TAFA2: variants seen among roughly 807,000 people sequenced by gnomAD.
The protein encoded by TAFA2 is chemokine-like protein TAFA-2.
A neutral mutation model predicts 18.8 loss-of-function variants in TAFA2; 7 were observed. The ratio of observed to expected loss-of-function variants is 0.37; its 90% confidence interval spans 0.21 to 0.70. The LOEUF (loss-of-function observed/expected upper bound fraction) is 0.70, where lower values mean the gene tolerates loss of function less well. Ranked by LOEUF, TAFA2 falls within the 30% of genes least tolerant of loss-of-function variation. The pLI is 0.53. For missense variants in TAFA2, 122 were observed against 158.1 expected (o/e 0.77, Z 1.23); for synonymous variants, 60 against 54.2 (o/e 1.11, Z -0.47).
chr12:62,161,580 G>A (rs1434671572), intron 1 of TAFA2, among the ~76,000 whole-genome samples: 1 of 152,164 alleles, frequency 6.6e-6, no homozygotes, highest in African/African-American at 2.4e-5. Context: ...GATGCTGAGA[G>A]ATGACTTAAT....
chr12:61,861,021 T>C (rs1354614835), intron 2 of TAFA2, among the ~76,000 whole-genome samples: 2 of 151,886 alleles, frequency 1.3e-5, no homozygotes, highest in South Asian at 2.1e-4. Context: ...TACAATCTTG[T>C]CTCACTGCAA....
In TAFA2 at chr12:61,969,606, AT is replaced by A. The variant is rs1879177448; in HGVS notation, c.-1-102181del. On this transcript the variant is annotated intron_variant, in intron 1 of 4. Coordinates refer to ENST00000416284, the MANE Select transcript of TAFA2 (RefSeq NM_178539.5). The stretch of plus-strand genomic sequence containing the variant: ...AGACCTAATAGTACTAAGTAAAAAA[AT>A]AAATGACAACATATATCTGATCTCC... 3.3e-5 allele frequency among the ~76,000 whole-genome samples: 5 copies of A among 151,906 alleles called. No individual in the cohort carries two copies. In the South Asian group the frequency reaches 8.3e-4, roughly 25 times the overall value.
chr12:61,914,306 C>A (rs1876730493), intron 1 of TAFA2, among the ~76,000 whole-genome samples: 1 of 152,138 alleles, frequency 6.6e-6, no homozygotes, highest in African/African-American at 2.4e-5. Context: ...TGAATTTCTA[C>A]TTAGGGTCTA....
chr12:62,009,902 G>A (rs966692535), intron 1 of TAFA2, among the ~76,000 whole-genome samples: 2 of 152,086 alleles, frequency 1.3e-5, no homozygotes, highest in Non-Finnish European at 2.9e-5. Context: ...GAATGCCTTG[G>A]TGACAAAGTA....
intron 4 of TAFA2, among the ~76,000 whole-genome samples, chr12:61,714,466 T>C (rs1869555982): frequency 6.6e-6 from 1 of 152,094 alleles, no homozygotes; most frequent in African/African-American, 2.4e-5. Context: ...AAGCAAAAAG[T>C]AGTAATTATT....
At chr12:61,803,512 C>A (rs1694958754) in intron 2 of TAFA2, among the ~76,000 whole-genome samples, 1 of 151,762 alleles carries the variant, frequency 6.6e-6, no homozygotes, top group African/African-American at 2.4e-5. Context: ...TGATTAAGAG[C>A]AATATACTAC....
intron 1 of TAFA2, among the ~76,000 whole-genome samples, chr12:62,225,838 T>C (rs1055170218): frequency 2.6e-5 from 4 of 152,200 alleles, no homozygotes; most frequent in African/African-American, 9.6e-5. Flanking sequence ...GGCAAAAGCA[T>C]AGAGAAACAG....
At chr12:62,089,514 C>A (rs1868617368) in intron 1 of TAFA2, among the ~76,000 whole-genome samples, 1 of 151,784 alleles carries the variant, frequency 6.6e-6, no homozygotes, top group South Asian at 2.1e-4. Flanking sequence ...ATATGAAGAG[C>A]ACCAGGACTT....
At chr12:61,777,241 G>C (rs1358663977) in intron 2 of TAFA2, among the ~76,000 whole-genome samples, 2 of 151,878 alleles carry the variant, frequency 1.3e-5, no homozygotes, top group Non-Finnish European at 2.9e-5. Context: ...GATGCCAACT[G>C]TGTGGCTTTG....
intron 1 of TAFA2, among the ~76,000 whole-genome samples, chr12:61,906,506 T>C (rs1020292443): frequency 2.0e-5 from 3 of 152,218 alleles, no homozygotes; most frequent in Non-Finnish European, 2.9e-5. Flanking sequence ...CTTCCTTTCC[T>C]TTATAAATTA....
At chr12:61,793,511 T>A (rs1258500480) in intron 2 of TAFA2, among the ~76,000 whole-genome samples, 4 of 151,688 alleles carry the variant, frequency 2.6e-5, no homozygotes, top group African/African-American at 9.7e-5. Flanking sequence ...ATGGGTAAAT[T>A]CTTTTAAAAA....
At chr12:61,985,677 C>T (rs936227516) in intron 1 of TAFA2, among the ~76,000 whole-genome samples, 3 of 152,194 alleles carry the variant, frequency 2.0e-5, no homozygotes, top group African/African-American at 7.2e-5. Context: ...ATTTCTCTAA[C>T]TTGCTGATAA....
intron 1 of TAFA2, among the ~76,000 whole-genome samples, chr12:62,036,485 A>ATGT (rs1434111997): frequency 1.3e-5 from 2 of 152,144 alleles, no homozygotes; most frequent in Non-Finnish European, 2.9e-5. Context: ...GCCACTAGTT[A>ATGT]TGTACTTCCC....
intron 1 of TAFA2, among the ~76,000 whole-genome samples, chr12:62,164,550 G>T (rs2062426768): frequency 1.3e-5 from 2 of 152,034 alleles, no homozygotes; most frequent in Non-Finnish European, 2.9e-5. Flanking sequence ...CTCATGATTT[G>T]AGATAGACAA....
chr12:61,740,774 A>G (rs894033778), intron 4 of TAFA2, among the ~76,000 whole-genome samples: 2 of 152,010 alleles, frequency 1.3e-5, no homozygotes, highest in Admixed American at 1.3e-4. Context: ...AATGGTAAGC[A>G]GAACCTCAAC....
chr12:61,880,231 A>C (rs980170796), intron 1 of TAFA2: 32 of 491,340 alleles, frequency 6.5e-5, no homozygotes, highest in Admixed American at 2.9e-4. Context: ...TGAGGTGTAC[A>C]AAGACTGACA....
chr12:62,187,337 G>A (rs1357412502), intron 1 of TAFA2, among the ~76,000 whole-genome samples: 1 of 152,126 alleles, frequency 6.6e-6, no homozygotes, highest in Non-Finnish European at 1.5e-5. Flanking sequence ...AGTTATAAAT[G>A]ACGTTGTCAC....
At chr12:61,866,429 A>C (rs1014694362) in intron 2 of TAFA2, among the ~76,000 whole-genome samples, 1 of 152,208 alleles carries the variant, frequency 6.6e-6, no homozygotes, top group Non-Finnish European at 1.5e-5. Flanking sequence ...TGAGAAACTT[A>C]GTTGTTAGTC....
intron 1 of TAFA2, chr12:62,234,802 G>A: frequency 2.0e-6 from 2 of 1,011,996 alleles, no homozygotes. Context: ...GGTAGGAATG[G>A]GCCTGCTTGG....
Sources: gnomAD v4.1 joint callset for allele counts (sites outside exome capture counted in the v4.1 genomes callset) on GRCh38, gnomAD v4.1.1 for gene constraint, MANE v1.5 for transcripts, NCBI Gene and HGNC (gene_info 2026-07-23, HGNC 2026-07-21) for gene names.